The following SERP2 variants were observed in gnomAD, a reference collection of about 807,000 sequenced individuals.
SERP2 encodes stress associated endoplasmic reticulum protein family member 2, also known as stress-associated endoplasmic reticulum protein 2.
Under a neutral mutation model 9.1 loss-of-function variants are expected in SERP2, and 6 were observed. The ratio of observed to expected loss-of-function variants is 0.66; its 90% CI spans 0.36 to 1.30. The LOEUF is 1.30. Ranked by LOEUF, SERP2 falls within the 50% of genes most tolerant of loss-of-function variation. SERP2 has a pLI of 0.03. For missense variants in SERP2, 58 were observed against 81.9 expected, an observed-to-expected ratio of 0.71 and a Z score of 1.13; for synonymous variants, 37 against 27.3, an observed-to-expected ratio of 1.35 and a Z score of -1.10.
At chr13:44,386,401 T>C (rs1872319701) in intron 2 of SERP2, among the ~76,000 whole-genome samples, 1 of 152,230 alleles carries the variant, frequency 6.6e-6, no homozygotes, top group Non-Finnish European at 1.5e-5. Flanking sequence ...TTTTTTTTCT[T>C]TTTTGAGACA....
intron 2 of SERP2, among the ~76,000 whole-genome samples, chr13:44,389,906 T>A (rs1438647125): frequency 6.6e-6 from 1 of 152,162 alleles, no homozygotes; most frequent in Non-Finnish European, 1.5e-5. Context: ...GGTCACACAG[T>A]CCCTGCAAAG....
intron 2 of SERP2, among the ~76,000 whole-genome samples, chr13:44,387,938 T>C (rs987472737): frequency 1.3e-5 from 2 of 152,256 alleles, no homozygotes; most frequent in African/African-American, 4.8e-5. Context: ...AGAATTTTAA[T>C]GGTGACCAAA....
chr13:44,387,164 T>C (rs1055564053), intron 2 of SERP2, among the ~76,000 whole-genome samples: 1 of 152,136 alleles, frequency 6.6e-6, no homozygotes, highest in African/African-American at 2.4e-5. Flanking sequence ...CACAGATAGG[T>C]CAACTGCTAT....
intron 1 of SERP2, among the ~76,000 whole-genome samples, chr13:44,374,803 C>T (rs757937884): frequency 1.3e-5 from 2 of 152,160 alleles, no homozygotes; most frequent in Non-Finnish European, 2.9e-5. Flanking sequence ...CCTCCCTCAG[C>T]CCCTAGGCTA....
chr13:44,390,121 C>A (rs779598750), intron 2 of SERP2, among the ~76,000 whole-genome samples: 8 of 152,214 alleles, frequency 5.3e-5, no homozygotes, highest in Non-Finnish European at 1.2e-4. Flanking sequence ...CCAATTTAGG[C>A]CTTTAGCATA....
intron 2 of SERP2, among the ~76,000 whole-genome samples, chr13:44,386,887 C>T (rs1872348011): frequency 6.6e-6 from 1 of 152,140 alleles, no homozygotes; most frequent in Admixed American, 6.5e-5. Flanking sequence ...ACATCGAAGG[C>T]CAAGGGATTT....
intron 2 of SERP2, among the ~76,000 whole-genome samples, chr13:44,388,259 T>C (rs1352958466): frequency 8.3e-6 from 1 of 120,938 alleles, no homozygotes; most frequent in Non-Finnish European, 1.7e-5. Context: ...TGTGTGTGTG[T>C]TTGTATATGT....
chr13:44,383,120 G>A (rs1394884536), intron 2 of SERP2, among the ~76,000 whole-genome samples: 1 of 152,126 alleles, frequency 6.6e-6, no homozygotes, highest in Non-Finnish European at 1.5e-5. Context: ...AATATAAGGT[G>A]CTCAGAATGG....
intron 1 of SERP2, 100 bp downstream of exon 1, chr13:44,374,209 CCTCCCGG>C (rs1871497265): frequency 2.5e-6 from 2 of 794,988 alleles, no homozygotes; most frequent in African/African-American, 3.7e-5. Context: ...CAGGGTCCGG[CCTCCCGG>C]CTCCCGGCCC....
At chr13:44,395,603 C>CA (rs369797464) in intron 2 of SERP2, among the ~76,000 whole-genome samples, 708 of 50,426 alleles carry the variant, frequency 0.014, 6 homozygotes, top group South Asian at 0.028. Context: ...GACTCCGTCT[C>CA]AAAAAAAAAA....
intron 1 of SERP2, among the ~76,000 whole-genome samples, chr13:44,374,467 G>T (rs901137813): frequency 1.3e-5 from 2 of 152,222 alleles, no homozygotes; most frequent in Non-Finnish European, 2.9e-5. Flanking sequence ...ATCCTTAGGG[G>T]CCAGTTAAGT....
At chr13:44,391,165 C>T (rs576781502) in intron 2 of SERP2, 1 of 152,224 alleles carries the variant, frequency 6.6e-6, no homozygotes, top group Admixed American at 6.5e-5. Flanking sequence ...TCCCTGTGTC[C>T]TTCTGGCACT....
At chr13:44,388,632 G>A (rs1017511140) in intron 2 of SERP2, among the ~76,000 whole-genome samples, 5 of 152,100 alleles carry the variant, frequency 3.3e-5, no homozygotes, top group Admixed American at 6.6e-5. Flanking sequence ...GTTAACAGGC[G>A]GCACTTTCCC....
rs371029769 is a variant in SERP2, at chr13:44,387,371, T to C, written c.157+7658T>C. Among the ~76,000 whole-genome samples, 5 of 152,318 alleles carry C rather than the reference T, an allele frequency of 3.3e-5. 1 individual carries two copies. The highest frequency in any genetic ancestry group is 1.9e-4 in the East Asian group (1 of 5,176). ...AAAGTGGGCTGCAGTTGATTGGTAATGTCTGTCCTGAACACAATATGGCTG... is the reference window on the plus strand; with the variant it reads ...AAAGTGGGCTGCAGTTGATTGGTAACGTCTGTCCTGAACACAATATGGCTG... On this transcript the variant is annotated intron_variant, in intron 2 of 2. Transcript: ENST00000379179.
chr13:44,378,143 A>G (rs1403678199), intron 1 of SERP2, among the ~76,000 whole-genome samples: 1 of 152,224 alleles, frequency 6.6e-6, no homozygotes, highest in Non-Finnish European at 1.5e-5. Flanking sequence ...CCTTTTTTAG[A>G]TGAGAAGCCA....
In SERP2 at chr13:44,397,172, C is replaced by T. The variant is rs548978671; in HGVS notation, c.158-100C>T. ...ATATCTAATCAGCTGTGAGCTAACA[C>T]GTCAGGGCCCAGGGGTCTGCAGAAG... On this transcript the variant is annotated intron_variant, in intron 2 of 2. Transcript: ENST00000379179. 1.2e-5 allele frequency: 11 copies of T among 893,310 alleles called. No homozygotes were observed. The African/African-American group carries it at 1.5e-4, about 12-fold the overall frequency. The allele number at this position is 893,310 out of a possible 1,614,324, so 55.3% of individuals were successfully genotyped here.
chr13:44,383,254 G>T (rs559079028), intron 2 of SERP2, among the ~76,000 whole-genome samples: 1 of 152,228 alleles, frequency 6.6e-6, no homozygotes, highest in Non-Finnish European at 1.5e-5. Context: ...TCTCCAGTCT[G>T]CCCCCTTAGG....
chr13:44,380,755 G>A (rs565923748), intron 2 of SERP2, among the ~76,000 whole-genome samples: 1 of 152,268 alleles, frequency 6.6e-6, no homozygotes, highest in South Asian at 2.1e-4. Flanking sequence ...TCCCAAAGAA[G>A]TATCTTTAAG....
chr13:44,386,900 G>A (rs1250234895), intron 2 of SERP2, among the ~76,000 whole-genome samples: 1 of 152,142 alleles, frequency 6.6e-6, no homozygotes, highest in African/African-American at 2.4e-5. Context: ...AGGGATTTCA[G>A]TGCCCTCATA....
Sources: gnomAD v4.1 joint callset for allele counts (sites outside exome capture counted in the v4.1 genomes callset) on GRCh38, gnomAD v4.1.1 for gene constraint, MANE v1.5 for transcripts, NCBI Gene and HGNC (gene_info 2026-07-23, HGNC 2026-07-21) for gene names.